Variants in NUMB observed in about 807,000 individuals in gnomAD.
NUMB encodes the protein NUMB endocytic adaptor protein.
In NUMB, 29 loss-of-function variants were observed where a neutral mutation model predicts 59.7. The observed-to-expected ratio is 0.49, with a 90% CI of 0.36 to 0.66. NUMB has a LOEUF of 0.66. NUMB is among the 30% of genes least tolerant of loss of function. NUMB has a pLI of 0.00. For missense variants in NUMB, 723 were observed against 822.0 expected (o/e 0.88, Z 1.47); for synonymous variants, 288 against 288.2 (o/e 1.00, Z 0.01).
chr14:73,361,308 T>C (rs1281601077), intron 3 of NUMB, among the ~76,000 whole-genome samples: 1 of 152,206 alleles, frequency 6.6e-6, no homozygotes, highest in African/African-American at 2.4e-5. Flanking sequence ...CTTCTGTCCT[T>C]TCTATCCAAA....
At chr14:73,320,627 T>C (rs183105446) in intron 5 of NUMB, among the ~76,000 whole-genome samples, 10 of 152,272 alleles carry the variant, frequency 6.6e-5, no homozygotes, top group Admixed American at 6.5e-4. Flanking sequence ...TTAGACATAA[T>C]ATTTGATTAT....
chr14:73,403,696 C>T (rs1477391426), intron 2 of NUMB, among the ~76,000 whole-genome samples: 1 of 152,148 alleles, frequency 6.6e-6, no homozygotes, highest in Non-Finnish European at 1.5e-5. Flanking sequence ...TGGCTCACGC[C>T]TGTAATCCCA....
At chr14:73,311,837 A>C (rs1196986376) in intron 6 of NUMB, among the ~76,000 whole-genome samples, 1 of 152,324 alleles carries the variant, frequency 6.6e-6, no homozygotes, top group African/African-American at 2.4e-5. Flanking sequence ...ACCACAATTG[A>C]CCTAGCAAAC....
chr14:73,414,542 GCCAGCAACA>G (rs973953893), intron 1 of NUMB, among the ~76,000 whole-genome samples: 7 of 151,446 alleles, frequency 4.6e-5, no homozygotes, highest in Admixed American at 3.3e-4. Flanking sequence ...ACAGGTGCAA[GCCAGCAACA>G]CCCAGCTAAT....
chr14:73,447,544 A>G (rs909335760), intron 1 of NUMB, among the ~76,000 whole-genome samples: 3 of 151,874 alleles, frequency 2.0e-5, no homozygotes. Context: ...AGATACTAAG[A>G]AATGAACAAT....
intron 12 of NUMB, 107 bp from the exon 13 acceptor site, chr14:73,277,400 T>G (rs1594850800): frequency 6.9e-6 from 6 of 868,466 alleles, no homozygotes; most frequent in Non-Finnish European, 1.0e-5. Context: ...TGTCCCCCCC[T>G]AATGGGACAT....
chr14:73,282,627 A>G, intron 10 of NUMB, 122 bp from the exon 11 acceptor site: 1 of 1,038,658 alleles, frequency 9.6e-7, no homozygotes, highest in Non-Finnish European at 1.3e-6. Context: ...GGCTCAATTA[A>G]CTGTATGGCA....
At chr14:73,421,912 G>A (rs191204051) in intron 1 of NUMB, among the ~76,000 whole-genome samples, 1 of 152,266 alleles carries the variant, frequency 6.6e-6, no homozygotes, top group East Asian at 1.9e-4. Context: ...GCCGAGGTGG[G>A]TGGATCATTT....
Position 73,389,558 on chromosome 14 carries a change from G to A in NUMB, c.-101+20379C>T, listed in dbSNP as rs377603530. ...AGGATGATCTTGATCTCCTGACCTT[G>A]TGATCTGCCCGCCTCGGCCTCCCAA... On this transcript the variant is annotated intron_variant, in intron 2 of 12. Coordinates refer to ENST00000555238, the MANE Select transcript of NUMB (RefSeq NM_001005743.2). Among the ~76,000 whole-genome samples the A allele has an allele frequency of 8.6e-4, 131 of 152,200 alleles. 3 individuals are homozygous for A. The South Asian group carries it at 0.025, about 30-fold the overall frequency.
At chr14:73,403,799 T>C (rs1435815333) in intron 2 of NUMB, among the ~76,000 whole-genome samples, 2 of 149,988 alleles carry the variant, frequency 1.3e-5, no homozygotes, top group South Asian at 4.2e-4. Context: ...CTATTAAAAA[T>C]ACAAAAAAAA....
intron 2 of NUMB, among the ~76,000 whole-genome samples, chr14:73,374,374 AT>A (rs140008048): frequency 0.058 from 8,867 of 152,156 alleles, 720 homozygotes; most frequent in African/African-American, 0.19. Context: ...GCAAAGAAGA[AT>A]TAGCTGCCCA....
At chr14:73,411,606 A>G (rs568936637) in intron 1 of NUMB, among the ~76,000 whole-genome samples, 1 of 152,230 alleles carries the variant, frequency 6.6e-6, no homozygotes. Context: ...GAAGGTCATA[A>G]CTAAGTTTGC....
At chr14:73,342,798 A>G (rs918641253) in intron 4 of NUMB, among the ~76,000 whole-genome samples, 8 of 152,204 alleles carry the variant, frequency 5.3e-5, no homozygotes, top group African/African-American at 1.7e-4. Flanking sequence ...CACACAGCTA[A>G]TAAGAGCAAA....
Position 73,388,835 on chromosome 14 carries a change from C to A in NUMB, c.-101+21102G>T, listed in dbSNP as rs377434992. On this transcript the variant is annotated intron_variant, in intron 2 of 12. Coordinates refer to ENST00000555238, the MANE Select transcript of NUMB (RefSeq NM_001005743.2). Reference sequence around the variant, plus strand: ...ACAATGGGCCGGGCGCAGTGGCTCACGCCTGTAATCCCAGCACTTTAGGAG... The same window carrying A: ...ACAATGGGCCGGGCGCAGTGGCTCAAGCCTGTAATCCCAGCACTTTAGGAG... Among the ~76,000 whole-genome samples the A allele has an allele frequency of 3.9e-5, 6 of 152,146 alleles. No homozygotes were observed. In the South Asian group the frequency reaches 1.2e-3, roughly 32 times the overall value.
At chr14:73,385,308 C>CTTTTTTTTTTTTTTTTT (rs1174960370) in intron 2 of NUMB, among the ~76,000 whole-genome samples, 2 of 112,300 alleles carry the variant, frequency 1.8e-5, no homozygotes, top group African/African-American at 3.2e-5. Flanking sequence ...CCAGTTAATT[C>CTTTTTTTTTTTTTTTTT]TTTTTTTTTT....
At position 73,287,093 on chromosome 14, in the gene NUMB, T is replaced by C. The variant is rs1889063755; in HGVS notation, c.655+17A>G. On this transcript the variant is annotated intron_variant, in intron 9 of 12. Transcript: ENST00000555238. ...AAAACTGCATTCCATAAATACACAC[T>C]GTAGAACAGATTGTACCTTTCTTGG... The C allele has an allele frequency of 6.2e-7, 1 of 1,611,144 alleles. No individual in the cohort carries two copies. The highest frequency in any genetic ancestry group is 8.5e-7 in the Non-Finnish European group (1 of 1,177,446).
chr14:73,449,916 G>T (rs1392056687), intron 1 of NUMB, among the ~76,000 whole-genome samples: 1 of 152,160 alleles, frequency 6.6e-6, no homozygotes, highest in Non-Finnish European at 1.5e-5. Context: ...TCGAACTCCT[G>T]ACCTCAGGTG....
chr14:73,289,027 A>G (rs1357136858), intron 8 of NUMB, among the ~76,000 whole-genome samples: 1 of 152,184 alleles, frequency 6.6e-6, no homozygotes, highest in Non-Finnish European at 1.5e-5. Context: ...CCCTGTCTCA[A>G]AAAACAAACA....
intron 12 of NUMB, 150 bp from the exon 13 acceptor site, chr14:73,277,443 T>C (rs1258391981): frequency 1.5e-6 from 1 of 646,896 alleles, no homozygotes; most frequent in Non-Finnish European, 2.6e-6. Flanking sequence ...GTAAAGTCTC[T>C]ATTACCAACT....
Sources: gnomAD v4.1 joint callset for allele counts (sites outside exome capture counted in the v4.1 genomes callset) on GRCh38, gnomAD v4.1.1 for gene constraint, MANE v1.5 for transcripts, NCBI Gene and HGNC (gene_info 2026-07-23, HGNC 2026-07-21) for gene names.